Variants in ZNF804B observed in about 807,000 individuals in gnomAD.
ZNF804B encodes the protein zinc finger 804B.
Under a neutral mutation model 101.4 loss-of-function variants are expected in ZNF804B, and 80 were observed. The ratio of observed to expected loss-of-function variants is 0.79; its 90% CI spans 0.66 to 0.95. The LOEUF is 0.95. Among genes scored for constraint, ZNF804B ranks in the 40% least tolerant of loss-of-function variants. ZNF804B has a pLI of 0.00. For missense variants in ZNF804B, 1,673 were observed against 1,561.9 expected (o/e 1.07, Z -1.20); for synonymous variants, 622 against 558.8 (o/e 1.11, Z -1.59).
At position 88,904,284 on chromosome 7, in the gene ZNF804B, GT is replaced by G. The variant is rs555803728; in HGVS notation, c.108+144204del. Among the ~76,000 whole-genome samples, 53 of 152,222 alleles carry G rather than the reference GT, an allele frequency of 3.5e-4. 1 individual carries two copies. In the East Asian group the frequency reaches 9.9e-3, roughly 28 times the overall value. ...TTTAGGTGTGTGGACTTATTTCTGA[GT>G]TTTATATTCTGTTCCACTGGTCTAT... On this transcript the variant is annotated intron_variant, in intron 1 of 3. Transcript: ENST00000333190.
At chr7:88,788,121 G>A (rs1790329229) in intron 1 of ZNF804B, among the ~76,000 whole-genome samples, 1 of 152,162 alleles carries the variant, frequency 6.6e-6, no homozygotes, top group East Asian at 1.9e-4. Context: ...CATTCATCTA[G>A]TGCATGTGGA....
At chr7:88,920,381 G>A (rs1488771175) in intron 1 of ZNF804B, among the ~76,000 whole-genome samples, 1 of 151,954 alleles carries the variant, frequency 6.6e-6, no homozygotes, top group Non-Finnish European at 1.5e-5. Context: ...ATATCCTTAT[G>A]AGTAAAATGC....
At chr7:88,970,498 G>T (rs1793518889) in intron 1 of ZNF804B, among the ~76,000 whole-genome samples, 1 of 151,238 alleles carries the variant, frequency 6.6e-6, no homozygotes, top group Non-Finnish European at 1.5e-5. Flanking sequence ...TAATTTTGCA[G>T]GTCTAATATT....
rs1287967434 is a variant in ZNF804B at position 89,220,036 on chromosome 7, C to CAT, written c.249+1746_249+1747dup. Among the ~76,000 whole-genome samples, 441 of 106,944 alleles carry CAT rather than the reference C, an allele frequency of 4.1e-3. 44 individuals carry two copies. The highest frequency in any genetic ancestry group is 6.3e-3 in the African/African-American group (169 of 26,742). The allele number at this position is 106,944 out of a possible 152,430, so 70.2% of individuals were successfully genotyped here. ...ATGTGTGTATACATATATATACGCACATATATGTGCATATATACATATATA... is the reference window on the plus strand; with the variant it reads ...ATGTGTGTATACATATATATACGCACATATATATGTGCATATATACATATATA... On this transcript the variant is annotated intron_variant, in intron 2 of 3. Coordinates refer to ENST00000333190, the MANE Select transcript of ZNF804B (RefSeq NM_181646.5).
intron 1 of ZNF804B, among the ~76,000 whole-genome samples, chr7:88,998,212 T>C (rs1788227858): frequency 6.6e-6 from 1 of 152,110 alleles, no homozygotes; most frequent in African/African-American, 2.4e-5. Flanking sequence ...TTATTTTTAA[T>C]ATGCTCCCCA....
chr7:88,919,990 G>A (rs980850563), intron 1 of ZNF804B, among the ~76,000 whole-genome samples: 4 of 151,926 alleles, frequency 2.6e-5, no homozygotes, highest in Non-Finnish European at 5.9e-5. Context: ...ATATTACGAG[G>A]GAGGCTTGAC....
intron 1 of ZNF804B, among the ~76,000 whole-genome samples, chr7:88,963,928 C>T (rs1584042249): frequency 6.6e-6 from 1 of 151,322 alleles, no homozygotes; most frequent in South Asian, 2.1e-4. Context: ...AGATGATGAA[C>T]ATCATTAATC....
chr7:89,282,472 A>G (rs1303508568), intron 2 of ZNF804B, among the ~76,000 whole-genome samples: 2 of 152,144 alleles, frequency 1.3e-5, no homozygotes, highest in African/African-American at 2.4e-5. Context: ...AAGACTTTCC[A>G]CTCAACGTGA....
At chr7:88,922,317 T>A (rs577018004) in intron 1 of ZNF804B, among the ~76,000 whole-genome samples, 1 of 152,204 alleles carries the variant, frequency 6.6e-6, no homozygotes, top group Non-Finnish European at 1.5e-5. Context: ...TTTAAAAATA[T>A]GCCTTTTTAT....
At chr7:88,849,580 A>G (rs1264432403) in intron 1 of ZNF804B, among the ~76,000 whole-genome samples, 1 of 151,514 alleles carries the variant, frequency 6.6e-6, no homozygotes, top group Non-Finnish European at 1.5e-5. Flanking sequence ...GCTCACTGCA[A>G]CCTCCACCTC....
At chr7:88,946,649 A>G (rs1275435643) in intron 1 of ZNF804B, among the ~76,000 whole-genome samples, 6 of 143,878 alleles carry the variant, frequency 4.2e-5, no homozygotes, top group African/African-American at 7.7e-5. Flanking sequence ...CTCTTTTTCT[A>G]TTCTTTGGAA....
intron 1 of ZNF804B, among the ~76,000 whole-genome samples, chr7:89,147,199 C>A (rs1790805305): frequency 6.6e-6 from 1 of 151,602 alleles, no homozygotes; most frequent in Admixed American, 6.6e-5. Flanking sequence ...CAAAGTGATT[C>A]TGTGAGCAGT....
At chr7:89,028,552 C>T (rs1290654824) in intron 1 of ZNF804B, among the ~76,000 whole-genome samples, 1 of 152,120 alleles carries the variant, frequency 6.6e-6, no homozygotes, top group Non-Finnish European at 1.5e-5. Flanking sequence ...TCTGTTCATT[C>T]ATGTAGAGAA....
At chr7:89,029,749 C>G (rs2116229116) in intron 1 of ZNF804B, among the ~76,000 whole-genome samples, 1 of 152,240 alleles carries the variant, frequency 6.6e-6, no homozygotes, top group African/African-American at 2.4e-5. Context: ...ACCTCAGTAA[C>G]AGCTTCCTAA....
chr7:88,921,185 GTAGA>G (rs1221492260), intron 1 of ZNF804B, among the ~76,000 whole-genome samples: 12 of 152,146 alleles, frequency 7.9e-5, no homozygotes, highest in Middle Eastern at 3.4e-3. Flanking sequence ...CTTGAGACTG[GTAGA>G]TGGATAAAGT....
chr7:88,868,049 G>GTA (rs1491438713), intron 1 of ZNF804B, among the ~76,000 whole-genome samples: 2 of 20,958 alleles, frequency 9.5e-5, no homozygotes, highest in Non-Finnish European at 1.8e-4. Context: ...GTGTGTGTGA[G>GTA]TGTGTGTGTG....
intron 1 of ZNF804B, among the ~76,000 whole-genome samples, chr7:89,206,467 G>C (rs1788715938): frequency 6.6e-6 from 1 of 152,112 alleles, no homozygotes; most frequent in Non-Finnish European, 1.5e-5. Context: ...AAAACTGAAT[G>C]CTGGCCAGGC....
chr7:88,871,656 G>A (rs781160650), intron 1 of ZNF804B, among the ~76,000 whole-genome samples: 7 of 151,974 alleles, frequency 4.6e-5, no homozygotes, highest in Non-Finnish European at 1.0e-4. Flanking sequence ...TCCATTTGTC[G>A]AAGGCAATGA....
At chr7:89,190,231 AGG>A (rs1487859111) in intron 1 of ZNF804B, among the ~76,000 whole-genome samples, 3 of 151,774 alleles carry the variant, frequency 2.0e-5, no homozygotes, top group African/African-American at 7.3e-5. Flanking sequence ...GCTACTCAGT[AGG>A]CTGAGGCAGG....
Sources: gnomAD v4.1 joint callset for allele counts (sites outside exome capture counted in the v4.1 genomes callset) on GRCh38, gnomAD v4.1.1 for gene constraint, MANE v1.5 for transcripts, NCBI Gene and HGNC (gene_info 2026-07-23, HGNC 2026-07-21) for gene names.